PTPRN2: variants seen among roughly 807,000 people sequenced by gnomAD.
The protein encoded by PTPRN2 is receptor-type tyrosine-protein phosphatase N2.
A neutral mutation model predicts 118.8 loss-of-function variants in PTPRN2; 74 were observed. That is an observed-to-expected ratio of 0.62 (90% CI 0.52 to 0.76). The LOEUF (loss-of-function observed/expected upper bound fraction) is 0.76, where lower values mean the gene tolerates loss of function less well. Ranked by LOEUF, PTPRN2 falls within the 30% of genes least tolerant of loss-of-function variation. PTPRN2 has a pLI of 0.00. For missense variants in PTPRN2, 1,481 were observed against 1,394.4 expected, an observed-to-expected ratio of 1.06 and a Z score of -0.99; for synonymous variants, 641 against 608.0, an observed-to-expected ratio of 1.05 and a Z score of -0.80.
chr7:158,340,441 A>G (rs1806480515), intron 2 of PTPRN2, among the ~76,000 whole-genome samples: 1 of 93,946 alleles, frequency 1.1e-5, no homozygotes, highest in African/African-American at 3.7e-5. Context: ...TCACCGTAAG[A>G]GCTGACACCC....
At position 157,682,727 on chromosome 7, in the gene PTPRN2, G is replaced by C. The variant is rs1483466662; in HGVS notation, c.1999C>G (p.Gln667Glu). 9.3e-6 allele frequency: 15 copies of C among 1,612,526 alleles called. No homozygotes were observed. Among genetic ancestry groups the C allele is most frequent in the Non-Finnish European group, 1.2e-5 (14 of 1,178,968 alleles). ...CTTTTTAAAAAGTCTCCTCTTACCT[G>C]GTAGGCGGCAGTGGCATCTGCACCT... ...DPGADATAAY[Q>E]ELCRQRMATR... Residue 667 changes from glutamine to glutamate, a missense_variant and splice_region_variant, in exon 13 of 23, where the codon CAG (glutamine) becomes GAG (glutamate). Coordinates refer to ENST00000389418, the MANE Select transcript of PTPRN2 (RefSeq NM_002847.5).
At chr7:158,203,299 G>C (rs916937969) in intron 4 of PTPRN2, among the ~76,000 whole-genome samples, 2 of 147,102 alleles carry the variant, frequency 1.4e-5, no homozygotes, top group Non-Finnish European at 3.0e-5. Flanking sequence ...AAGGGAGGAA[G>C]GAAGGAGAAA....
chr7:157,865,698 T>C (rs1015781221), intron 12 of PTPRN2: 3 of 152,194 alleles, frequency 2.0e-5, no homozygotes, highest in Non-Finnish European at 2.9e-5. Flanking sequence ...TCCAGTGGCC[T>C]CTGTGTGCAA....
chr7:158,472,673 A>G (rs1819945003), intron 2 of PTPRN2, among the ~76,000 whole-genome samples: 1 of 152,166 alleles, frequency 6.6e-6, no homozygotes, highest in African/African-American at 2.4e-5. Flanking sequence ...TCACCCTTCA[A>G]TGCACTCTTA....
chr7:158,152,370 G>A (rs900664126), intron 6 of PTPRN2, among the ~76,000 whole-genome samples: 4 of 152,166 alleles, frequency 2.6e-5, no homozygotes, highest in Non-Finnish European at 5.9e-5. Flanking sequence ...TGGGGCCTGG[G>A]AAGCTGTCTT....
chr7:158,430,366 C>G (rs1816071534), intron 2 of PTPRN2, among the ~76,000 whole-genome samples: 1 of 152,188 alleles, frequency 6.6e-6, no homozygotes, highest in South Asian at 2.1e-4. Flanking sequence ...GCCTGTAGAC[C>G]CGGAAGTCGG....
At chr7:158,087,961 C>T (rs1261454734) in intron 10 of PTPRN2, among the ~76,000 whole-genome samples, 1 of 111,436 alleles carries the variant, frequency 9.0e-6, no homozygotes, top group Non-Finnish European at 2.0e-5. Context: ...CACAAACCTT[C>T]TTCCCCTGAT....
chr7:158,076,764 C>T (rs1294486356), intron 11 of PTPRN2, among the ~76,000 whole-genome samples: 1 of 152,160 alleles, frequency 6.6e-6, no homozygotes. Context: ...CTCATCTAAG[C>T]CCTGCCCTGC....
intron 12 of PTPRN2, among the ~76,000 whole-genome samples, chr7:157,800,138 C>G (rs1216225264): frequency 1.3e-5 from 2 of 150,470 alleles, no homozygotes; most frequent in Non-Finnish European, 3.0e-5. Flanking sequence ...TCAGAGGCAC[C>G]ACAGGCGGCC....
chr7:157,853,099 G>A (rs980046877), intron 12 of PTPRN2, among the ~76,000 whole-genome samples: 1 of 152,250 alleles, frequency 6.6e-6, no homozygotes, highest in Non-Finnish European at 1.5e-5. Flanking sequence ...CAGTGGATGG[G>A]TATTTGGGTC....
intron 12 of PTPRN2, among the ~76,000 whole-genome samples, chr7:157,742,476 T>A (rs373946961): frequency 6.6e-6 from 1 of 151,420 alleles, no homozygotes; most frequent in Non-Finnish European, 1.5e-5. Flanking sequence ...CTTGATGAGC[T>A]GACTTCTGTT....
intron 11 of PTPRN2, among the ~76,000 whole-genome samples, chr7:157,983,428 T>C (rs11765097): frequency 0.82 from 114,004 of 139,634 alleles, 46,453 homozygotes; most frequent in East Asian, 0.85. Flanking sequence ...GTCATAGAGA[T>C]GAGGAGGGGA....
rs113155602 is a variant in PTPRN2 at position 158,514,610 on chromosome 7, C to T, written c.113-24825G>A. Among the ~76,000 whole-genome samples the T allele has an allele frequency of 8.3e-3, 1,260 of 152,282 alleles. 15 individuals are homozygous for T. The highest frequency in any genetic ancestry group is 0.029 in the African/African-American group (1,195 of 41,570). Reference sequence around the variant, plus strand: ...CATGTGTGCAGCAACCCCACCTCTTCCTCAGTGCTCACGGGTGCGTCAAAG... The same window carrying T: ...CATGTGTGCAGCAACCCCACCTCTTTCTCAGTGCTCACGGGTGCGTCAAAG... On this transcript the variant is annotated intron_variant, in intron 1 of 22. Transcript: ENST00000389418.
intron 14 of PTPRN2, among the ~76,000 whole-genome samples, chr7:157,646,926 G>A (rs55752616): frequency 1.3e-5 from 2 of 148,918 alleles, no homozygotes; most frequent in East Asian, 3.9e-4. Context: ...CACTGAACTC[G>A]GTGGGTCAGA....
intron 2 of PTPRN2, among the ~76,000 whole-genome samples, chr7:158,475,817 A>G (rs1027694593): frequency 6.6e-6 from 1 of 152,194 alleles, no homozygotes; most frequent in Non-Finnish European, 1.5e-5. Flanking sequence ...AGTCTACATA[A>G]GCATCATTAA....
chr7:158,290,227 G>A (rs1181652138), intron 3 of PTPRN2, among the ~76,000 whole-genome samples: 1 of 152,124 alleles, frequency 6.6e-6, no homozygotes, highest in African/African-American at 2.4e-5. Flanking sequence ...AGTGGGCCTG[G>A]ACTCTGAGTT....
chr7:157,935,312 G>A (rs1799631131), intron 11 of PTPRN2, among the ~76,000 whole-genome samples: 1 of 152,078 alleles, frequency 6.6e-6, no homozygotes, highest in African/African-American at 2.4e-5. Flanking sequence ...AGGCCACCTG[G>A]GCTCTTTTTT....
intron 2 of PTPRN2, among the ~76,000 whole-genome samples, chr7:158,393,454 GAC>G (rs1812097401): frequency 6.6e-6 from 1 of 152,162 alleles, no homozygotes; most frequent in Non-Finnish European, 1.5e-5. Flanking sequence ...CCACACAAAT[GAC>G]ACAGAAATGG....
intron 12 of PTPRN2, among the ~76,000 whole-genome samples, chr7:157,797,228 T>C (rs1445746159): frequency 6.6e-6 from 1 of 152,184 alleles, no homozygotes; most frequent in East Asian, 1.9e-4. Context: ...AAATGAGAAG[T>C]AGGTAGCCTC....
Sources: allele counts gnomAD v4.1 joint callset (sites outside exome capture counted in the v4.1 genomes callset), GRCh38; gene constraint gnomAD v4.1.1; transcripts MANE v1.5; gene names NCBI Gene and HGNC (gene_info 2026-07-23, HGNC 2026-07-21).